The following MINDY2 variants were observed in gnomAD, a reference collection of about 807,000 sequenced individuals.
MINDY2 encodes the protein MINDY lysine 48 deubiquitinase 2.
MINDY2 carries 52 observed loss-of-function variants against 68.2 expected under a neutral mutation model. That is an observed-to-expected ratio of 0.76 (90% confidence interval 0.61 to 0.96). The LOEUF (loss-of-function observed/expected upper bound fraction) is 0.96. Among genes scored for constraint, MINDY2 ranks in the 40% least tolerant of loss-of-function variants. The pLI is 0.00. For synonymous variants in MINDY2, 372 were observed against 303.0 expected, an observed-to-expected ratio of 1.23 and a Z score of -2.36; for missense variants, 881 against 773.4, an observed-to-expected ratio of 1.14 and a Z score of -1.65.
At chr15:58,791,215 T>TTTTATA (rs1344616079) in intron 2 of MINDY2, among the ~76,000 whole-genome samples, 2 of 79,586 alleles carry the variant, frequency 2.5e-5, no homozygotes, top group East Asian at 2.4e-4. Context: ...GAAAGCAATT[T>TTTTATA]TATATATATA....
At chr15:58,849,296 A>T (rs942567972) in intron 7 of MINDY2, among the ~76,000 whole-genome samples, 3 of 151,776 alleles carry the variant, frequency 2.0e-5, no homozygotes, top group Non-Finnish European at 2.9e-5. Context: ...AGGTCGGGAG[A>T]TCAAGACCAT....
At chr15:58,809,110 A>G (rs1274647941) in intron 3 of MINDY2, among the ~76,000 whole-genome samples, 1 of 152,088 alleles carries the variant, frequency 6.6e-6, no homozygotes, top group African/African-American at 2.4e-5. Flanking sequence ...TACATGGGAG[A>G]CTGAGATGGG....
intron 6 of MINDY2, among the ~76,000 whole-genome samples, chr15:58,839,268 T>C (rs1423691511): frequency 6.6e-6 from 1 of 152,144 alleles, no homozygotes; most frequent in Non-Finnish European, 1.5e-5. Context: ...CTAACTCCCA[T>C]CTCTAGATAT....
rs1567079858 is a variant in MINDY2, at chr15:58,852,972, A to ATTTTTTTTTTTTT, written c.1737+1007_1737+1008insTTTTTTTTTTTTT. ...TTTTTTTTTTTTTTTTTTTTTTTTA[A>ATTTTTTTTTTTTT]GACAGAGTCTCACTCTGTTGCCCAG... is the stretch of plus-strand genomic sequence containing the variant. On this transcript the variant is annotated intron_variant, in intron 8 of 8. Transcript: ENST00000559228. 3.4e-3 allele frequency among the ~76,000 whole-genome samples: 58 copies of ATTTTTTTTTTTTT among 17,270 alleles called. 22 individuals carry two copies. The highest frequency in any genetic ancestry group is 8.2e-3 in the Non-Finnish European group (50 of 6,082). The allele number at this position is 17,270 out of a possible 152,430, so 11.3% of individuals were successfully genotyped here.
In MINDY2 at chr15:58,771,827, C is replaced by T. The variant is rs771183759; in HGVS notation, c.432C>T (p.Thr144=). 3 of 1,608,770 alleles carry T rather than the reference C, an allele frequency of 1.9e-6. No homozygotes were observed. The highest frequency in any genetic ancestry group is 2.2e-5 in the East Asian group (1 of 44,788). ...DLAGTCQAEL[T]AAGSEEPSSA... ...CCGGCACCTGCCAAGCAGAACTGAC[C>T]GCCGCCGGCTCCGAAGAGCCCAGCA... Residue 144 remains threonine, a synonymous_variant, in exon 1 of 9, where the codon ACC becomes ACT. Coordinates refer to ENST00000559228, the MANE Select transcript of MINDY2 (RefSeq NM_001040450.3).
chr15:58,852,933 T>G (rs1363379645), intron 8 of MINDY2, among the ~76,000 whole-genome samples: 5 of 24,226 alleles, frequency 2.1e-4, no homozygotes, highest in Admixed American at 5.7e-4. Context: ...TTTTTTTTTT[T>G]TTTTTTTTTT....
rs2033114496 is a variant in MINDY2, at chr15:58,858,018, G to T, written c.*3408G>T. On this transcript the variant is annotated 3_prime_UTR_variant, in exon 9 of 9. Coordinates refer to ENST00000559228, the MANE Select transcript of MINDY2 (RefSeq NM_001040450.3). ...TTACATATGTGTGTTTCTGAAGCAAGTTTTCATGACCTCTGTTAGATTCTC... is the reference window on the plus strand; with the variant it reads ...TTACATATGTGTGTTTCTGAAGCAATTTTTCATGACCTCTGTTAGATTCTC... 2 of 152,248 alleles carry T rather than the reference G, an allele frequency of 1.3e-5. No homozygotes were observed. Among genetic ancestry groups the T allele is most frequent in the South Asian group, 4.1e-4 (2 of 4,828 alleles). The allele number at this position is 152,248 out of a possible 1,614,324, so 9.4% of individuals were successfully genotyped here. A position where few individuals can be genotyped will look rare whatever the true frequency, so the allele number is the denominator to read the frequency against.
rs1567031183 is a variant in MINDY2, at chr15:58,771,533, G to A, written c.138G>A (p.Ala46=). 6.2e-7 allele frequency: 1 copy of A among 1,611,770 alleles called. No homozygotes were observed. The highest frequency in any genetic ancestry group is 1.1e-5 in the South Asian group (1 of 91,038). ...GTGATGGTCCTGGGGTATGGGCGGCGGAGACCAGCGGCGGGAATGGGCTGG... is the reference window on the plus strand; with the variant it reads ...GTGATGGTCCTGGGGTATGGGCGGCAGAGACCAGCGGCGGGAATGGGCTGG... ...AAGDGPGVWA[A]ETSGGNGLGA... Residue 46 remains alanine, a synonymous_variant, in exon 1 of 9, where the codon GCG becomes GCA. Transcript: ENST00000559228.
intron 5 of MINDY2, among the ~76,000 whole-genome samples, chr15:58,826,294 A>G (rs561546377): frequency 6.8e-6 from 1 of 147,982 alleles, no homozygotes; most frequent in South Asian, 2.1e-4. Flanking sequence ...CAATGGCGCA[A>G]CCTTGGCTTA....
intron 1 of MINDY2, among the ~76,000 whole-genome samples, chr15:58,786,015 G>A (rs906237400): frequency 2.0e-5 from 3 of 152,130 alleles, no homozygotes; most frequent in Non-Finnish European, 4.4e-5. Context: ...AATTTAGAAT[G>A]AAATGATGAT....
rs1157376592 is a variant in MINDY2, at chr15:58,782,911, G to GTTTTTTTTTTTTTTTT, written c.841-4984_841-4969dup. 1.2e-3 allele frequency among the ~76,000 whole-genome samples: 76 copies of GTTTTTTTTTTTTTTTT among 64,494 alleles called. 15 individuals are homozygous for GTTTTTTTTTTTTTTTT. The highest frequency in any genetic ancestry group is 4.1e-3 in the East Asian group (5 of 1,234). The allele number at this position is 64,494 out of a possible 152,430, so 42.3% of individuals were successfully genotyped here. ...TCAATATATTTAATTTTTTCTCTCT[G>GTTTTTTTTTTTTTTTT]TTTTTTTTTTTTTTTTTTTTTTTTT... On this transcript the variant is annotated intron_variant, in intron 1 of 8. Transcript: ENST00000559228.
intron 4 of MINDY2, among the ~76,000 whole-genome samples, chr15:58,821,304 A>G (rs1443651160): frequency 6.6e-6 from 1 of 151,636 alleles, no homozygotes; most frequent in Non-Finnish European, 1.5e-5. Flanking sequence ...GCCTTGCTTT[A>G]AATGTGCAAC....
At chr15:58,823,110 G>C (rs944953005) in intron 5 of MINDY2, among the ~76,000 whole-genome samples, 1 of 148,730 alleles carries the variant, frequency 6.7e-6, no homozygotes, top group Non-Finnish European at 1.5e-5. Flanking sequence ...TAGTATTTTA[G>C]TTAAGGTTTA....
chr15:58,781,636 G>A (rs1235164535), intron 1 of MINDY2, among the ~76,000 whole-genome samples: 1 of 152,010 alleles, frequency 6.6e-6, no homozygotes, highest in African/African-American at 2.4e-5. Flanking sequence ...GAAGCGCAGT[G>A]GCTCATGCCT....
At chr15:58,792,156 C>G (rs1472448905) in intron 2 of MINDY2, among the ~76,000 whole-genome samples, 1 of 152,180 alleles carries the variant, frequency 6.6e-6, no homozygotes, top group Non-Finnish European at 1.5e-5. Context: ...ACTGGAAACC[C>G]TCACACCTAG....
rs2033133105 is a variant in MINDY2 at position 58,858,658 on chromosome 15, T to G, written c.*4048T>G. ...TGTTAAAAAGCAAAAGCGAATTGAT[T>G]ACATTTGATTAACTTTTCCTATTCC... On this transcript the variant is annotated 3_prime_UTR_variant, in exon 9 of 9. Coordinates refer to ENST00000559228, the MANE Select transcript of MINDY2 (RefSeq NM_001040450.3). 1 of 152,102 alleles carries G rather than the reference T, an allele frequency of 6.6e-6. No individual in the cohort carries two copies. Among genetic ancestry groups the G allele is most frequent in the Non-Finnish European group, 1.5e-5 (1 of 67,978 alleles). The allele number at this position is 152,102 out of a possible 1,614,324, so 9.4% of individuals were successfully genotyped here. A position where few individuals can be genotyped will look rare whatever the true frequency, so the allele number is the denominator to read the frequency against.
rs1355328438 is a variant in MINDY2, at chr15:58,771,379, G to T, written c.-17G>T. The T allele has an allele frequency of 6.3e-7, 1 of 1,596,082 alleles. No homozygotes were observed. The highest frequency in any genetic ancestry group is 8.5e-7 in the Non-Finnish European group (1 of 1,173,114). On this transcript the variant is annotated 5_prime_UTR_variant, in exon 1 of 9. Coordinates refer to ENST00000559228, the MANE Select transcript of MINDY2 (RefSeq NM_001040450.3). ...AGTGGCCGCGGTCTCCATAGAGCTG[G>T]GGGCGGGCGGCCCGGTATGGAGAGC...
chr15:58,785,314 A>C (rs1358569041), intron 1 of MINDY2, among the ~76,000 whole-genome samples: 1 of 152,114 alleles, frequency 6.6e-6, no homozygotes, highest in Admixed American at 6.6e-5. Context: ...TATACTACTG[A>C]CTTTGCTTGT....
chr15:58,849,410 C>G (rs1284251422), intron 7 of MINDY2, among the ~76,000 whole-genome samples: 2 of 151,346 alleles, frequency 1.3e-5, no homozygotes, highest in African/African-American at 4.9e-5. Context: ...GAGACTGAGG[C>G]AGGAGAACTG....
Sources: allele counts gnomAD v4.1 joint callset (sites outside exome capture counted in the v4.1 genomes callset), GRCh38; gene constraint gnomAD v4.1.1; transcripts MANE v1.5; gene names NCBI Gene and HGNC (gene_info 2026-07-23, HGNC 2026-07-21).